NRBF2: variants seen among roughly 807,000 people sequenced by gnomAD.
NRBF2 encodes nuclear receptor-binding factor 2.
A neutral mutation model predicts 28.5 loss-of-function variants in NRBF2; 12 were observed. The ratio of observed to expected loss-of-function variants is 0.42; its 90% CI spans 0.27 to 0.68. NRBF2 has a LOEUF of 0.68. NRBF2 is among the 30% of genes least tolerant of loss of function. The pLI, the probability that NRBF2 is intolerant of heterozygous loss-of-function variation, is 0.24. For missense variants in NRBF2, 274 were observed against 333.5 expected, an observed-to-expected ratio of 0.82 and a Z score of 1.39; for synonymous variants, 102 against 116.5, an observed-to-expected ratio of 0.88 and a Z score of 0.80.
At chr10:63,141,784 A>G (rs556880649) in intron 1 of NRBF2, among the ~76,000 whole-genome samples, 1 of 152,256 alleles carries the variant, frequency 6.6e-6, no homozygotes, top group Non-Finnish European at 1.5e-5. Context: ...CGAGCTCTAT[A>G]ACGAGTTTGC....
At chr10:63,141,385 A>G (rs1456958904) in intron 1 of NRBF2, among the ~76,000 whole-genome samples, 2 of 152,172 alleles carry the variant, frequency 1.3e-5, no homozygotes, top group Non-Finnish European at 1.5e-5. Flanking sequence ...GCAGTGAGCT[A>G]TGATTGCACC....
chr10:63,136,529 G>C (rs1841381366), intron 1 of NRBF2, among the ~76,000 whole-genome samples: 1 of 152,222 alleles, frequency 6.6e-6, no homozygotes, highest in African/African-American at 2.4e-5. Context: ...ACATGGATTT[G>C]TAATCATGTG....
rs182046297 is a variant in NRBF2, at chr10:63,138,385, G to A, written c.30+4885G>A. Among the ~76,000 whole-genome samples the A allele has an allele frequency of 7.0e-3, 1,061 of 152,046 alleles. 14 individuals are homozygous for A. Among genetic ancestry groups the A allele is most frequent in the African/African-American group, 0.023 (962 of 41,472 alleles). On this transcript the variant is annotated intron_variant, in intron 1 of 3. Transcript: ENST00000277746. ...TATAATCCCAGCTACTTGGGAAGCT[G>A]AGACAGGAGAATCGCTTGAACCTGG...
chr10:63,146,292 A>G lies in NRBF2; in HGVS notation c.114A>G (p.Ala38=), dbSNP rs1445692283. 1 of 1,607,012 alleles carries G rather than the reference A, an allele frequency of 6.2e-7. No individual in the cohort carries two copies. Among genetic ancestry groups the G allele is most frequent in the Non-Finnish European group, 8.5e-7 (1 of 1,175,972 alleles). ...CTATTTCTTGTCACAAAAAGGCTGC[A>G]GGTGAGTATTCTTATTAAGTACTCA... ...EEAISCHKKA[A]AYLSEAMKLT... The change falls in exon 2 of 4, where the codon GCA becomes GCG. Residue 38 remains alanine, a splice_region_variant and synonymous_variant. Transcript: ENST00000277746.
chr10:63,148,015 C>A (rs1841591142), intron 2 of NRBF2, among the ~76,000 whole-genome samples: 1 of 152,084 alleles, frequency 6.6e-6, no homozygotes, highest in Admixed American at 6.6e-5. Context: ...TTTAAGAAAA[C>A]CATGTTTTAT....
rs746129999 is a variant in NRBF2, at chr10:63,133,393, C to G, written c.-78C>G. On this transcript the variant is annotated 5_prime_UTR_variant, in exon 1 of 4. Transcript: ENST00000277746. ...GGGGCCGCAGTCTCCGCGGCTGCGT[C>G]GAGCTCCCTTGCAGTCCCCTCCATG... The G allele has an allele frequency of 3.8e-6, 6 of 1,572,042 alleles. No individual in the cohort carries two copies. The highest frequency in any genetic ancestry group is 1.4e-5 in the African/African-American group (1 of 73,640).
At chr10:63,140,595 G>T (rs774196381) in intron 1 of NRBF2, among the ~76,000 whole-genome samples, 4 of 151,904 alleles carry the variant, frequency 2.6e-5, no homozygotes, top group Non-Finnish European at 1.5e-5. Context: ...TCTATTTTTT[G>T]TAGAGATGGG....
chr10:63,149,928 G>A (rs954364532), intron 2 of NRBF2, among the ~76,000 whole-genome samples: 1 of 144,920 alleles, frequency 6.9e-6, no homozygotes, highest in African/African-American at 2.6e-5. Context: ...AGAGCAGTTA[G>A]AATGTCTCCA....
chr10:63,151,706 G>A (rs1366454908), intron 2 of NRBF2, among the ~76,000 whole-genome samples: 1 of 152,176 alleles, frequency 6.6e-6, no homozygotes, highest in African/African-American at 2.4e-5. Context: ...AAGGCTGATG[G>A]TTTAACTCAG....
intron 1 of NRBF2, among the ~76,000 whole-genome samples, chr10:63,142,990 A>G (rs966852317): frequency 6.6e-6 from 1 of 151,872 alleles, no homozygotes; most frequent in African/African-American, 2.4e-5. Flanking sequence ...CATATTGGCC[A>G]GGCTGGTCTT....
chr10:63,139,631 C>G (rs1351024261), intron 1 of NRBF2, among the ~76,000 whole-genome samples: 2 of 152,232 alleles, frequency 1.3e-5, no homozygotes, highest in East Asian at 3.9e-4. Flanking sequence ...GGTTTATGAC[C>G]GTATAGAGCC....
chr10:63,154,089 G>C lies in NRBF2; in HGVS notation c.735G>C (p.Lys245Asn). 1 of 1,613,918 alleles carries C rather than the reference G, an allele frequency of 6.2e-7. No individual in the cohort carries two copies. The highest frequency in any genetic ancestry group is 1.3e-5 in the African/African-American group (1 of 75,056). Residue 245 changes from lysine (K) to asparagine (N), a missense_variant, in exon 4 of 4, where the codon AAG becomes AAC. Transcript: ENST00000277746. ...ETATASSTWQ[K>N]FAANTGKAKD... ...CTACAGCCTCCTCAACCTGGCAGAA[G>C]TTCGCAGCAAATACTGGGAAAGCCA...
At chr10:63,152,566 A>T (rs1231338052) in intron 3 of NRBF2, among the ~76,000 whole-genome samples, 1 of 152,238 alleles carries the variant, frequency 6.6e-6, no homozygotes, top group Admixed American at 6.5e-5. Flanking sequence ...CTTGTCAAAG[A>T]TAATTTAAAT....
Position 63,147,685 on chromosome 10 carries a change from C to T in NRBF2, c.115+1392C>T, listed in dbSNP as rs373422214. Among the ~76,000 whole-genome samples the T allele has an allele frequency of 2.0e-5, 3 of 150,324 alleles. No homozygotes were observed. In the South Asian group the frequency reaches 6.3e-4, roughly 32 times the overall value. On this transcript the variant is annotated intron_variant, in intron 2 of 3. Transcript: ENST00000277746. ...TGTTTGTTACATAGGTATACACGTG[C>T]CATGGTGGTTTGCTGCACCCATCAA...
intron 1 of NRBF2, among the ~76,000 whole-genome samples, chr10:63,142,293 G>GTTTTTTTTTTTTT (rs1261835924): frequency 1.5e-5 from 2 of 135,532 alleles, no homozygotes; most frequent in Non-Finnish European, 1.6e-5. Flanking sequence ...CAGAACCTTT[G>GTTTTTTTTTTTTT]TTTTTTTTGT....
In NRBF2 at chr10:63,154,208, T is replaced by C; in HGVS notation, c.854T>C (p.Met285Thr). 1 of 1,563,504 alleles carries C rather than the reference T, an allele frequency of 6.4e-7. No individual in the cohort carries two copies. The highest frequency in any genetic ancestry group is 2.2e-5 in the East Asian group (1 of 44,456). Residue 285 changes from methionine to threonine, a missense_variant, in exon 4 of 4, where the codon ATG becomes ACG. Coordinates refer to ENST00000277746, the MANE Select transcript of NRBF2 (RefSeq NM_030759.5). Reference sequence around the variant, plus strand: ...TCTGAGGATATTCTGAAAGGATTTATGAATAATTAAAATGGAAGGCCACAG... The same window carrying C: ...TCTGAGGATATTCTGAAAGGATTTACGAATAATTAAAATGGAAGGCCACAG... ...ELSEDILKGFMNN is the reference protein window; with the variant it reads ...ELSEDILKGFTNN
chr10:63,147,611 C>G (rs1388886583), intron 2 of NRBF2, among the ~76,000 whole-genome samples: 1 of 134,146 alleles, frequency 7.5e-6, no homozygotes, highest in African/African-American at 2.8e-5. Flanking sequence ...TGCTCTCAGC[C>G]TTTTTTTTTT....
chr10:63,136,707 A>C (rs1387146980), intron 1 of NRBF2, among the ~76,000 whole-genome samples: 2 of 152,140 alleles, frequency 1.3e-5, no homozygotes, highest in Non-Finnish European at 2.9e-5. Context: ...GCCATATTGT[A>C]CTCATCATGT....
chr10:63,150,360 A>G (rs2132694270), intron 2 of NRBF2: 1 of 983,180 alleles, frequency 1.0e-6, no homozygotes, highest in Non-Finnish European at 1.2e-6. Flanking sequence ...AATTATGGTA[A>G]GCATAGCTGG....
Sources: gnomAD v4.1 joint callset for allele counts (sites outside exome capture counted in the v4.1 genomes callset) on GRCh38, gnomAD v4.1.1 for gene constraint, MANE v1.5 for transcripts, NCBI Gene and HGNC (gene_info 2026-07-23, HGNC 2026-07-21) for gene names.